Variants in PPP1R36 observed in about 807,000 individuals in gnomAD.
PPP1R36 encodes the protein protein phosphatase 1 regulatory subunit 36.
Under a neutral mutation model 53.4 loss-of-function variants are expected in PPP1R36, and 47 were observed. The observed-to-expected ratio is 0.88, with a 90% CI of 0.70 to 1.12. The LOEUF is 1.12. Among genes scored for constraint, PPP1R36 ranks in the 50% most tolerant of loss-of-function variants. PPP1R36 has a pLI of 0.00. For missense variants in PPP1R36, 456 were observed against 513.9 expected (o/e 0.89, Z 1.09); for synonymous variants, 153 against 170.5 (o/e 0.90, Z 0.80).
At chr14:64,584,721 C>T (rs546378223) in intron 8 of PPP1R36, among the ~76,000 whole-genome samples, 1 of 152,244 alleles carries the variant, frequency 6.6e-6, no homozygotes, top group East Asian at 1.9e-4. Flanking sequence ...TGTCTTTGGA[C>T]TTAAGTCTCA....
chr14:64,575,728 G>A (rs2080336442), intron 8 of PPP1R36, among the ~76,000 whole-genome samples: 1 of 151,346 alleles, frequency 6.6e-6, no homozygotes, highest in Non-Finnish European at 1.5e-5. Context: ...TTGGCTCACT[G>A]CAAGCCCCGC....
At chr14:64,550,125 C>G (rs907013996) in intron 1 of PPP1R36, 59 bp downstream of exon 1, 2 of 1,530,896 alleles carry the variant, frequency 1.3e-6, no homozygotes, top group Non-Finnish European at 1.8e-6. Context: ...GCCCTGCTGC[C>G]CCCAACCGGC....
rs1237240124 is a variant in PPP1R36 at position 64,559,182 on chromosome 14, G to A, written c.183-5569G>A. ...GCCGCGGCTTTTCCACTGGGTGGTGGGAAGGAGGTAATGCAGACAGCTTGG... is the reference window on the plus strand; with the variant it reads ...GCCGCGGCTTTTCCACTGGGTGGTGAGAAGGAGGTAATGCAGACAGCTTGG... On this transcript the variant is annotated intron_variant, in intron 3 of 11. Transcript: ENST00000298705. Among the ~76,000 whole-genome samples, 6 of 152,178 alleles carry A rather than the reference G, an allele frequency of 3.9e-5. No individual in the cohort carries two copies. The East Asian group carries it at 1.2e-3, about 29-fold the overall frequency.
chr14:64,554,152 T>TTTTG (rs1202593247), intron 3 of PPP1R36, among the ~76,000 whole-genome samples: 209 of 142,618 alleles, frequency 1.5e-3, no homozygotes, highest in African/African-American at 5.3e-3. Context: ...GTTTTTTTTT[T>TTTTG]TTTTTTTTTT....
chr14:64,562,979 G>A (rs1052868954), intron 3 of PPP1R36, among the ~76,000 whole-genome samples: 7 of 152,060 alleles, frequency 4.6e-5, no homozygotes, highest in Admixed American at 1.3e-4. Context: ...CAATTCTCCT[G>A]CCTCAGCCTC....
chr14:64,556,761 A>AGTGTGT (rs1566648715), intron 3 of PPP1R36, among the ~76,000 whole-genome samples: 1 of 42,548 alleles, frequency 2.4e-5, no homozygotes, highest in Non-Finnish European at 5.9e-5. Flanking sequence ...ATCTCCAAAA[A>AGTGTGT]ATGTGTGTGT....
chr14:64,585,291 G>A (rs1377727876), intron 8 of PPP1R36, among the ~76,000 whole-genome samples: 1 of 152,126 alleles, frequency 6.6e-6, no homozygotes, highest in Non-Finnish European at 1.5e-5. Flanking sequence ...TGAGGTAGGT[G>A]GATAGCTTGA....
At chr14:64,571,622 A>T (rs1555352242) in intron 7 of PPP1R36, among the ~76,000 whole-genome samples, 8 of 152,186 alleles carry the variant, frequency 5.3e-5, no homozygotes, top group Non-Finnish European at 1.5e-5. Flanking sequence ...AGACTCACTC[A>T]TAAGTTAGGT....
intron 3 of PPP1R36, among the ~76,000 whole-genome samples, chr14:64,560,851 T>A (rs1322861146): frequency 3.3e-5 from 5 of 152,190 alleles, no homozygotes; most frequent in African/African-American, 1.2e-4. Context: ...ACTTTATAAG[T>A]CTGCAGAGAG....
intron 6 of PPP1R36, among the ~76,000 whole-genome samples, chr14:64,567,490 G>A (rs2080269261): frequency 6.6e-6 from 1 of 152,156 alleles, no homozygotes; most frequent in East Asian, 1.9e-4. Context: ...ATGCTACGCA[G>A]AAAAGTGACA....
At chr14:64,585,516 CA>C (rs57102182) in intron 8 of PPP1R36, among the ~76,000 whole-genome samples, 6,604 of 108,794 alleles carry the variant, frequency 0.061, 135 homozygotes, top group Non-Finnish European at 0.08. Flanking sequence ...GACCCTGTCT[CA>C]AAAAAAAAAA....
chr14:64,573,551 T>G (rs1224823587), intron 7 of PPP1R36, among the ~76,000 whole-genome samples: 2 of 152,084 alleles, frequency 1.3e-5, no homozygotes, highest in African/African-American at 2.4e-5. Flanking sequence ...ATTTGTTAAT[T>G]GAGCTGTTCT....
chr14:64,562,443 G>A (rs182534537), intron 3 of PPP1R36, among the ~76,000 whole-genome samples: 6 of 152,128 alleles, frequency 3.9e-5, no homozygotes, highest in Admixed American at 2.6e-4. Context: ...GTGACAGAGT[G>A]AGACTCAGTC....
chr14:64,551,025 T>C (rs749738708), intron 2 of PPP1R36, 40 bp downstream of exon 2: 1 of 1,365,284 alleles, frequency 7.3e-7, no homozygotes, highest in South Asian at 1.2e-5. Context: ...TTTATAAAAA[T>C]TACATGTGCC....
chr14:64,577,718 C>CTTTT (rs10667127), intron 8 of PPP1R36, among the ~76,000 whole-genome samples: 1,493 of 94,302 alleles, frequency 0.016, 52 homozygotes, highest in Middle Eastern at 0.027. Context: ...GCCATGATTA[C>CTTTT]TTTTTTTTTT....
At chr14:64,582,956 A>G (rs987903076) in intron 8 of PPP1R36, among the ~76,000 whole-genome samples, 2 of 150,492 alleles carry the variant, frequency 1.3e-5, no homozygotes, top group Admixed American at 6.6e-5. Context: ...CAGTGGCACT[A>G]TCTTGGCTCA....
chr14:64,563,454 T>TAAA (rs34454896), intron 3 of PPP1R36, among the ~76,000 whole-genome samples: 3 of 144,478 alleles, frequency 2.1e-5, no homozygotes, highest in Non-Finnish European at 3.0e-5. Flanking sequence ...CCAGTCATCT[T>TAAA]AAAAAAAAAA....
chr14:64,565,763 T>G (rs777063528), intron 6 of PPP1R36, 71 bp downstream of exon 6: 20 of 1,164,024 alleles, frequency 1.7e-5, no homozygotes, highest in Non-Finnish European at 2.3e-5. Flanking sequence ...TGATAAGTGA[T>G]GACAAATCTG....
Position 64,564,834 on chromosome 14 carries a change from A to T in PPP1R36, c.266A>T (p.Asp89Val). The change falls in exon 4 of 12, where the codon GAC (aspartate) becomes GTC (valine). Residue 89 changes from aspartate (D) to valine (V), a missense_variant. Coordinates refer to ENST00000298705, the MANE Select transcript of PPP1R36 (RefSeq NM_172365.3). The stretch of plus-strand genomic sequence containing the variant: ...GCAGAAACTGATGGTCCAGCTTCAG[A>T]CAGGTAGATTAACTTCCCAATCATG... The part of the protein sequence containing the change: ...HFAETDGPAS[D>V]RLTDKRLAAK... 6.3e-7 allele frequency: 1 copy of T among 1,599,924 alleles called. No homozygotes were observed. The highest frequency in any genetic ancestry group is 8.5e-7 in the Non-Finnish European group (1 of 1,173,392).
Sources: allele counts gnomAD v4.1 joint callset (sites outside exome capture counted in the v4.1 genomes callset), GRCh38; gene constraint gnomAD v4.1.1; transcripts MANE v1.5; gene names NCBI Gene and HGNC (gene_info 2026-07-23, HGNC 2026-07-21).